Variants in AJAP1 observed in about 807,000 individuals in gnomAD.
AJAP1 encodes the protein adherens junction-associated protein 1.
AJAP1 carries 5 observed loss-of-function variants against 35.0 expected under a neutral mutation model. That is an observed-to-expected ratio of 0.14 (90% CI 0.07 to 0.30). The LOEUF (loss-of-function observed/expected upper bound fraction) is 0.30. Among genes scored for constraint, AJAP1 ranks in the 10% least tolerant of loss-of-function variants. The pLI, the probability that AJAP1 is intolerant of heterozygous loss-of-function variation, is 1.00. For synonymous variants in AJAP1, 284 were observed against 249.3 expected, an observed-to-expected ratio of 1.14 and a Z score of -1.31; for missense variants, 586 against 571.0, an observed-to-expected ratio of 1.03 and a Z score of -0.27.
rs1638866867 is a variant in AJAP1, at chr1:4,655,798, G to A, written c.29+344G>A. 6.7e-6 allele frequency among the ~76,000 whole-genome samples: 1 copy of A among 148,792 alleles called. No homozygotes were observed. The highest frequency in any genetic ancestry group is 2.4e-5 in the African/African-American group (1 of 40,988). ...CTGCCCCGGCGCGCCTCCTCCCCGGGGCCCGGGGCGAGGCGCCGGCCGCTG... is the reference window on the plus strand; with the variant it reads ...CTGCCCCGGCGCGCCTCCTCCCCGGAGCCCGGGGCGAGGCGCCGGCCGCTG... On this transcript the variant is annotated intron_variant, in intron 1 of 5. Coordinates refer to ENST00000378191, the MANE Select transcript of AJAP1 (RefSeq NM_018836.4). The surrounding 1 kb of genome is among the most constrained non-coding windows in gnomAD (Gnocchi z 6.9).
At chr1:4,665,023 G>T (rs978422952) in intron 1 of AJAP1, among the ~76,000 whole-genome samples, 1 of 152,114 alleles carries the variant, frequency 6.6e-6, no homozygotes, top group Non-Finnish European at 1.5e-5. Context: ...GCTGAGGATT[G>T]TGCTCTCTGG....
At chr1:4,755,563 A>G (rs1641411566) in intron 2 of AJAP1, among the ~76,000 whole-genome samples, 1 of 151,836 alleles carries the variant, frequency 6.6e-6, no homozygotes, top group South Asian at 2.1e-4. Flanking sequence ...CTGCCCATGG[A>G]CTCAGTCTAG....
At chr1:4,777,863 G>A (rs1306341804) in intron 5 of AJAP1, 1 of 152,150 alleles carries the variant, frequency 6.6e-6, no homozygotes, top group Admixed American at 6.5e-5. Flanking sequence ...GTTATTCAAA[G>A]GAGCCTGTTT....
chr1:4,712,005 C>T lies in AJAP1; in HGVS notation c.135C>T (p.Gly45=). ...AVDLPACEAL[G]PGPEFWLLPR... ...ACCTGCCCGCCTGTGAGGCCCTGGGCCCGGGGCCGGAGTTCTGGCTCCTGC... is the reference window on the plus strand; with the variant it reads ...ACCTGCCCGCCTGTGAGGCCCTGGGTCCGGGGCCGGAGTTCTGGCTCCTGC... The change falls in exon 2 of 6, where the codon GGC becomes GGT. Residue 45 remains glycine, a synonymous_variant. Transcript: ENST00000378191. The T allele has an allele frequency of 6.3e-7, 1 of 1,595,218 alleles. No homozygotes were observed. Among genetic ancestry groups the T allele is most frequent in the Non-Finnish European group, 8.5e-7 (1 of 1,173,930 alleles).
rs2100378189 is a variant in AJAP1 at position 4,782,672 on chromosome 1, C to T, written c.*187C>T. 2 of 398,472 alleles carry T rather than the reference C, an allele frequency of 5.0e-6. No individual in the cohort carries two copies. Among genetic ancestry groups the T allele is most frequent in the Non-Finnish European group, 4.4e-6 (1 of 226,012 alleles). 24.7% of individuals were successfully genotyped at this position (398,472 alleles called of 1,614,324 possible). A position where few individuals can be genotyped will look rare whatever the true frequency, so the allele number is the denominator to read the frequency against. ...CTTCTGTTTGCCGGTGGGAAACTCA[C>T]AGAGCAGGACGCTCTAGGCCAAATC... On this transcript the variant is annotated 3_prime_UTR_variant, in exon 6 of 6. Transcript: ENST00000378191. The surrounding 1 kb of genome is among the most constrained non-coding windows in gnomAD (Gnocchi z 5.3).
At chr1:4,757,173 C>CCTTTGCCT in intron 2 of AJAP1, among the ~76,000 whole-genome samples, 1 of 152,236 alleles carries the variant, frequency 6.6e-6, no homozygotes, top group Non-Finnish European at 1.5e-5. Context: ...TGGTCTTTCT[C>CCTTTGCCT]TCAGAAGATC....
At chr1:4,713,100 C>T (rs1472474009) in intron 2 of AJAP1, among the ~76,000 whole-genome samples, 2 of 152,138 alleles carry the variant, frequency 1.3e-5, no homozygotes, top group African/African-American at 4.8e-5. Flanking sequence ...TCTCGTGATA[C>T]AATTAAGGAT....
chr1:4,771,800 C>T (rs1055544492), intron 3 of AJAP1, among the ~76,000 whole-genome samples: 4 of 152,174 alleles, frequency 2.6e-5, no homozygotes, highest in Admixed American at 2.6e-4. Flanking sequence ...GGGGCTTTCT[C>T]ACTCATCAGC....
chr1:4,768,729 C>T (rs1052533050), intron 2 of AJAP1, among the ~76,000 whole-genome samples: 2 of 152,172 alleles, frequency 1.3e-5, no homozygotes, highest in Non-Finnish European at 2.9e-5. Flanking sequence ...CTGCCACCTG[C>T]GGGCTTGGCG....
chr1:4,665,738 T>C (rs978630976), intron 1 of AJAP1, among the ~76,000 whole-genome samples: 1 of 152,160 alleles, frequency 6.6e-6, no homozygotes, highest in Non-Finnish European at 1.5e-5. Context: ...GACACTTTCA[T>C]GCAGCAGACA....
intron 2 of AJAP1, among the ~76,000 whole-genome samples, chr1:4,719,368 T>G (rs1184895082): frequency 6.6e-6 from 1 of 152,120 alleles, no homozygotes; most frequent in East Asian, 1.9e-4. Context: ...GATAAAGACA[T>G]ATCCTTGCAC....
chr1:4,769,800 G>A (rs770490485), intron 2 of AJAP1, 53 bp from the exon 3 acceptor site: 44 of 1,497,406 alleles, frequency 2.9e-5, no homozygotes, highest in South Asian at 1.9e-4. Flanking sequence ...GGCCCCCCTC[G>A]CCTCCTGAAC....
In AJAP1 at chr1:4,712,138, C is replaced by A; in HGVS notation, c.268C>A (p.His90Asn). ...CCGGCCGCCCCGAGTGGAGCGGATC[C>A]ACGGGCAGATGCAGATGCCTCGAGC... ...SPRPPRVERI[H>N]GQMQMPRARR... The change falls in exon 2 of 6, where the codon CAC becomes AAC. Residue 90 changes from histidine to asparagine, a missense_variant. Physicochemically the swap from His to Asn is moderately conservative, Grantham distance 68 (BLOSUM62 1). Coordinates refer to ENST00000378191, the MANE Select transcript of AJAP1 (RefSeq NM_018836.4). 6.4e-7 allele frequency: 1 copy of A among 1,558,232 alleles called. No individual in the cohort carries two copies. Among genetic ancestry groups the A allele is most frequent in the Non-Finnish European group, 8.6e-7 (1 of 1,158,740 alleles).
At position 4,655,950 on chromosome 1, in the gene AJAP1, C is replaced by T. The variant is rs527867749; in HGVS notation, c.29+496C>T. Among the ~76,000 whole-genome samples the T allele has an allele frequency of 6.6e-6, 1 of 152,124 alleles. No homozygotes were observed. The highest frequency in any genetic ancestry group is 2.4e-5 in the African/African-American group (1 of 41,538). On this transcript the variant is annotated intron_variant, in intron 1 of 5. Coordinates refer to ENST00000378191, the MANE Select transcript of AJAP1 (RefSeq NM_018836.4). The surrounding 1 kb of genome is among the most constrained non-coding windows in gnomAD (Gnocchi z 6.9). ...GCCACTCCGCTCCCCCTTCTCCTTT[C>T]TCGGGGCCCCGGGGCTGAGCAGGGG...
chr1:4,672,845 C>G (rs57583629), intron 1 of AJAP1, among the ~76,000 whole-genome samples: 2,029 of 152,294 alleles, frequency 0.013, 49 homozygotes, highest in African/African-American at 0.047. Context: ...GGGAGATCAT[C>G]CTCAATTATT....
At chr1:4,781,640 T>C (rs1642065552) in intron 5 of AJAP1, among the ~76,000 whole-genome samples, 1 of 152,220 alleles carries the variant, frequency 6.6e-6, no homozygotes. Flanking sequence ...TTGAGGGTCC[T>C]GATTGCCTGT....
intron 1 of AJAP1, among the ~76,000 whole-genome samples, chr1:4,663,225 C>G (rs1639041873): frequency 6.6e-6 from 1 of 152,166 alleles, no homozygotes; most frequent in African/African-American, 2.4e-5. Context: ...GCGATCATCC[C>G]ACCTCAGCCT....
chr1:4,751,982 G>A (rs1345671647), intron 2 of AJAP1, among the ~76,000 whole-genome samples: 3 of 152,166 alleles, frequency 2.0e-5, no homozygotes, highest in Middle Eastern at 3.2e-3. Flanking sequence ...CTTATGCCAG[G>A]CACCTGGCAT....
chr1:4,662,131 T>A (rs955541708), intron 1 of AJAP1, among the ~76,000 whole-genome samples: 5 of 152,162 alleles, frequency 3.3e-5, no homozygotes, highest in African/African-American at 1.2e-4. Context: ...CCATTGAAAG[T>A]ATATGGTTCA....
Sources: allele counts gnomAD v4.1 joint callset (sites outside exome capture counted in the v4.1 genomes callset), GRCh38; gene constraint gnomAD v4.1.1; non-coding constraint Gnocchi (gnomAD v3.1); transcripts MANE v1.5; gene names NCBI Gene and HGNC (gene_info 2026-07-23, HGNC 2026-07-21).